Variants in TRPM2 observed in about 807,000 individuals in gnomAD.
TRPM2 encodes the protein transient receptor potential cation channel subfamily M member 2.
In TRPM2, 161 loss-of-function variants were observed where a neutral mutation model predicts 174.0. The ratio of observed to expected loss-of-function variants is 0.93; its 90% confidence interval spans 0.81 to 1.05. The LOEUF (loss-of-function observed/expected upper bound fraction) is 1.05, where lower values mean the gene tolerates loss of function less well. Among genes scored for constraint, TRPM2 ranks in the 50% least tolerant of loss-of-function variants. TRPM2 has a pLI of 0.00. For synonymous variants in TRPM2, 954 were observed against 861.3 expected (o/e 1.11, Z -1.88); for missense variants, 2,057 against 2,038.0 (o/e 1.01, Z -0.18).
In TRPM2 at chr21:44,353,684, G is replaced by A; in HGVS notation, c.-17G>A. 1 of 1,477,828 alleles carries A rather than the reference G, an allele frequency of 6.8e-7. No individual in the cohort carries two copies. Among genetic ancestry groups the A allele is most frequent in the Non-Finnish European group, 9.0e-7 (1 of 1,116,610 alleles). The allele number at this position is 1,477,828 out of a possible 1,614,324, so 91.5% of individuals were successfully genotyped here. ...GAGGGCAGCAGGCCTGGTTGCAGCT[G>A]GCGTGGGGGTCTCAGAATGGAGCCC... On this transcript the variant is annotated 5_prime_UTR_variant, in exon 1 of 32. Transcript: ENST00000397928.
At chr21:44,440,975 G>A in intron 31 of TRPM2, 70 bp downstream of exon 31, 1 of 1,390,558 alleles carries the variant, frequency 7.2e-7, no homozygotes, top group South Asian at 1.2e-5. Flanking sequence ...CCTCCGGGGA[G>A]GGGGTTGGCA....
chr21:44,431,338 TC>T (rs970812449), intron 27 of TRPM2, among the ~76,000 whole-genome samples: 1 of 151,964 alleles, frequency 6.6e-6, no homozygotes, highest in African/African-American at 2.4e-5. Context: ...GAGGTCTTGC[TC>T]TATTGCCCAG....
At position 44,366,855 on chromosome 21, in the gene TRPM2, G is replaced by T. The variant is rs781084741; in HGVS notation, c.525G>T (p.Gly175=). Residue 175 remains glycine (G), a synonymous_variant, in exon 4 of 32, where the codon GGG becomes GGT. Transcript: ENST00000397928. The surrounding 1 kb of genome is among the most constrained non-coding windows in gnomAD (Gnocchi z 6.0). ...CCAATCTCTTGATCTCGGTGACCGGGGGGGCCAAGAACTTCAACATGAAGC... is the reference window on the plus strand; with the variant it reads ...CCAATCTCTTGATCTCGGTGACCGGTGGGGCCAAGAACTTCAACATGAAGC... ...DVPNLLISVT[G]GAKNFNMKPR... 2.8e-5 allele frequency: 45 copies of T among 1,613,638 alleles called. No homozygotes were observed. In the Admixed American group the frequency reaches 6.8e-4, roughly 25 times the overall value.
At chr21:44,372,125 T>C (rs7277381) in intron 5 of TRPM2, among the ~76,000 whole-genome samples, 7,634 of 145,266 alleles carry the variant, frequency 0.053, 590 homozygotes, top group African/African-American at 0.17. Flanking sequence ...CTGTCTAAAC[T>C]AAACCAAACC....
At chr21:44,441,069 A>T (rs976896619) in intron 31 of TRPM2, among the ~76,000 whole-genome samples, 164 bp downstream of exon 31, 3 of 152,040 alleles carry the variant, frequency 2.0e-5, no homozygotes, top group Admixed American at 6.5e-5. Flanking sequence ...CGGGGTCTGG[A>T]TTCTGGACGT....
chr21:44,434,910 C>A (rs978522374), intron 27 of TRPM2, among the ~76,000 whole-genome samples: 11 of 152,140 alleles, frequency 7.2e-5, no homozygotes, highest in African/African-American at 2.7e-4. Flanking sequence ...ACCCTTCCCC[C>A]ACCAGGTGAC....
At chr21:44,395,610 G>A (rs1379061582) in intron 12 of TRPM2, 59 bp downstream of exon 12, 6 of 1,604,134 alleles carry the variant, frequency 3.7e-6, no homozygotes, top group Non-Finnish European at 5.1e-6. Context: ...GGCCAGCTGG[G>A]GAGTGTGGCT....
At chr21:44,404,090 TAC>T (rs962291914) in intron 16 of TRPM2, among the ~76,000 whole-genome samples, 26 of 151,624 alleles carry the variant, frequency 1.7e-4, no homozygotes, top group African/African-American at 5.6e-4. Flanking sequence ...TGTACACACA[TAC>T]ACACACATAT....
chr21:44,377,352 G>A (rs1602164824), intron 6 of TRPM2, among the ~76,000 whole-genome samples: 2 of 152,188 alleles, frequency 1.3e-5, no homozygotes, highest in East Asian at 3.8e-4. Context: ...ATTGTCCATA[G>A]CCCCTCTCCC....
At position 44,430,134 on chromosome 21, in the gene TRPM2, G is replaced by A. The variant is rs77537174; in HGVS notation, c.3974+3023G>A. ...AATAAACTCTTCTGTTATATTTAAC[G>A]TACTGCTGGAGTTAATTTACTAACA... On this transcript the variant is annotated intron_variant, in intron 27 of 31. Coordinates refer to ENST00000397928, the MANE Select transcript of TRPM2 (RefSeq NM_003307.4). 8.4e-3 allele frequency among the ~76,000 whole-genome samples: 1,280 copies of A among 152,140 alleles called. 4 individuals carry two copies. Among genetic ancestry groups the A allele is most frequent in the Middle Eastern group, 0.027 (8 of 294 alleles).
rs2050371434 is a variant in TRPM2 at position 44,418,008 on chromosome 21, C to T, written c.3228C>T (p.Gly1076=). 6.2e-7 allele frequency: 1 copy of T among 1,612,734 alleles called. No individual in the cohort carries two copies. The highest frequency in any genetic ancestry group is 1.3e-5 in the African/African-American group (1 of 74,924). The part of the protein sequence containing the change: ...QRHDLIEEYH[G]RPAAPPPFIL... ...ATGACCTGATCGAGGAGTACCACGG[C>T]CGCCCCGCCGCGCCGCCCCCCTTCA... The change falls in exon 21 of 32, where the codon GGC becomes GGT. Residue 1076 remains glycine (G), a synonymous_variant. Coordinates refer to ENST00000397928, the MANE Select transcript of TRPM2 (RefSeq NM_003307.4).
At chr21:44,406,211 G>A (rs559669719) in intron 18 of TRPM2, among the ~76,000 whole-genome samples, 174 bp downstream of exon 18, 1 of 152,160 alleles carries the variant, frequency 6.6e-6, no homozygotes, top group East Asian at 1.9e-4. Flanking sequence ...TTGCCTGTAC[G>A]TCACCTCTTC....
chr21:44,435,042 G>T, intron 27 of TRPM2, 89 bp from the exon 28 acceptor site: 1 of 1,321,198 alleles, frequency 7.6e-7, no homozygotes, highest in Non-Finnish European at 1.1e-6. Context: ...GGCTCCTGAC[G>T]CCCGCTGTCC....
chr21:44,382,332 T>C (rs1464836150), intron 8 of TRPM2, among the ~76,000 whole-genome samples: 2 of 152,078 alleles, frequency 1.3e-5, no homozygotes, highest in South Asian at 2.1e-4. Context: ...GATGGATAGA[T>C]AGATAGACTG....
chr21:44,365,873 T>G (rs943075525), intron 3 of TRPM2, among the ~76,000 whole-genome samples: 1 of 152,220 alleles, frequency 6.6e-6, no homozygotes, highest in Non-Finnish European at 1.5e-5. Context: ...TCCAGATGCC[T>G]GGTGGACCCG....
rs185796730 is a variant in TRPM2 at position 44,422,764 on chromosome 21, G to A, written c.3462-881G>A. ...AACCAAACATTTCCAGAATAATAGC[G>A]CCGCTCTACAACCCCACAAAATAAG... On this transcript the variant is annotated intron_variant, in intron 22 of 31. Coordinates refer to ENST00000397928, the MANE Select transcript of TRPM2 (RefSeq NM_003307.4). Among the ~76,000 whole-genome samples, 419 of 148,674 alleles carry A rather than the reference G, an allele frequency of 2.8e-3. 2 individuals are homozygous for A. The highest frequency in any genetic ancestry group is 9.5e-3 in the African/African-American group (381 of 40,132).
rs376178019 is a variant in TRPM2 at position 44,391,046 on chromosome 21, C to G, written c.1440+21C>G. 6.2e-7 allele frequency: 1 copy of G among 1,613,246 alleles called. No individual in the cohort carries two copies. Among genetic ancestry groups the G allele is most frequent in the Non-Finnish European group, 8.5e-7 (1 of 1,179,974 alleles). Reference sequence around the variant, plus strand: ...GGAAGGTAAGTCTTCCAGAGCACCCCGTGGAGGGGCCTACTGGGCCCACAT... The same window carrying G: ...GGAAGGTAAGTCTTCCAGAGCACCCGGTGGAGGGGCCTACTGGGCCCACAT... On this transcript the variant is annotated intron_variant, in intron 10 of 31. Coordinates refer to ENST00000397928, the MANE Select transcript of TRPM2 (RefSeq NM_003307.4). This position sits in a 1 kb window ranked among gnomAD's most constrained non-coding sequence, Gnocchi z 5.0.
intron 27 of TRPM2, among the ~76,000 whole-genome samples, chr21:44,433,003 G>A (rs1387906991): frequency 6.6e-6 from 1 of 152,178 alleles, no homozygotes; most frequent in Admixed American, 6.5e-5. Flanking sequence ...CAGAGATCAG[G>A]GCACAGTGAG....
At chr21:44,378,964 A>G (rs1329466227) in intron 7 of TRPM2, 33 bp from the exon 8 acceptor site, 11 of 1,592,046 alleles carry the variant, frequency 6.9e-6, no homozygotes, top group African/African-American at 4.0e-5. Flanking sequence ...GTGAGGACCC[A>G]GTCCCGGGCT....
Sources: allele counts gnomAD v4.1 joint callset (sites outside exome capture counted in the v4.1 genomes callset), GRCh38; gene constraint gnomAD v4.1.1; non-coding constraint Gnocchi (gnomAD v3.1); transcripts MANE v1.5; gene names NCBI Gene and HGNC (gene_info 2026-07-23, HGNC 2026-07-21).